The following CEP128 variants were observed in gnomAD, a reference collection of about 807,000 sequenced individuals.
CEP128 encodes the protein centrosomal protein 128.
CEP128 carries 132 observed loss-of-function variants against 156.7 expected under a neutral mutation model. The observed-to-expected ratio is 0.84, with a 90% confidence interval of 0.73 to 0.97. CEP128 has a LOEUF of 0.97. Among genes scored for constraint, CEP128 ranks in the 50% least tolerant of loss-of-function variants. The probability of loss-of-function intolerance (pLI) is 0.00; values close to 1 mark genes in which losing one functional copy is unlikely to be tolerated. For missense variants in CEP128, 1,252 were observed against 1,281.9 expected, an observed-to-expected ratio of 0.98 and a Z score of 0.36; for synonymous variants, 469 against 448.9, an observed-to-expected ratio of 1.04 and a Z score of -0.57.
At chr14:80,931,352 G>C (rs1885454297) in intron 2 of CEP128, among the ~76,000 whole-genome samples, 1 of 152,184 alleles carries the variant, frequency 6.6e-6, no homozygotes, top group African/African-American at 2.4e-5. Context: ...GAGAAATGCT[G>C]GGTAGCTGAA....
At chr14:80,896,200 C>T (rs1326879980) in intron 7 of CEP128, among the ~76,000 whole-genome samples, 1 of 152,058 alleles carries the variant, frequency 6.6e-6, no homozygotes, top group Non-Finnish European at 1.5e-5. Flanking sequence ...GATCTTACAC[C>T]CTCTTTCTAG....
intron 2 of CEP128, among the ~76,000 whole-genome samples, chr14:80,936,375 TC>T (rs1176608801): frequency 6.6e-6 from 1 of 151,806 alleles, no homozygotes; most frequent in African/African-American, 2.4e-5. Flanking sequence ...GAACAAGACT[TC>T]ATCTCAAAAG....
intron 19 of CEP128, among the ~76,000 whole-genome samples, chr14:80,727,680 A>T (rs1036627116): frequency 6.6e-6 from 1 of 152,190 alleles, no homozygotes. Flanking sequence ...ACAAGCAAAA[A>T]TAAACAACCC....
In CEP128 at chr14:80,711,856, T is replaced by A. The variant is rs190920665; in HGVS notation, c.2806+31219A>T. On this transcript the variant is annotated intron_variant, in intron 19 of 24. Transcript: ENST00000555265. ...TATACACCTACTATGTACCTAAAAA[T>A]TTTTTTAAATTAAAAAGAATGTAAA... Among the ~76,000 whole-genome samples, 20 of 152,124 alleles carry A rather than the reference T, an allele frequency of 1.3e-4. No individual in the cohort carries two copies. The East Asian group carries it at 2.3e-3, about 18-fold the overall frequency.
intron 8 of CEP128, among the ~76,000 whole-genome samples, chr14:80,873,976 G>A (rs1888153723): frequency 6.6e-6 from 1 of 152,050 alleles, no homozygotes; most frequent in Non-Finnish European, 1.5e-5. Context: ...ATGATTGTGA[G>A]GCCTCCCCAG....
At chr14:80,503,781 G>C (rs920913357) in intron 24 of CEP128, among the ~76,000 whole-genome samples, 12 of 152,084 alleles carry the variant, frequency 7.9e-5, no homozygotes, top group African/African-American at 2.9e-4. Flanking sequence ...GGTGGTTCTT[G>C]GCTTATGTAG....
At position 80,785,387 on chromosome 14, in the gene CEP128, A is replaced by T; in HGVS notation, c.1719T>A (p.His573Gln). 1 of 1,614,166 alleles carries T rather than the reference A, an allele frequency of 6.2e-7. No homozygotes were observed. The highest frequency in any genetic ancestry group is 2.2e-5 in the East Asian group (1 of 44,876). Residue 573 changes from histidine to glutamine, a missense_variant, in exon 15 of 25, where the codon CAT (histidine) becomes CAA (glutamine). Physicochemically the swap from His to Gln is conservative, Grantham distance 24. Coordinates refer to ENST00000555265, the MANE Select transcript of CEP128 (RefSeq NM_152446.5). ...TAACTTCCAATTCAAGGTCAGCTTG[A>T]TGAGACTTAATATCACGTAATTTCT... ...KEEKLRDIKSHQADLELEVKN... is the reference protein window; with the variant it reads ...KEEKLRDIKSQQADLELEVKN...
In CEP128 at chr14:80,810,323, C is replaced by CAAAAAAAAAAAAAAA. The variant is rs71103883; in HGVS notation, c.1210-17228_1210-17214dup. On this transcript the variant is annotated intron_variant, in intron 13 of 24. Transcript: ENST00000555265. ...GGGCGACAGAGCAAGACTCCATCTCCAAAAAAAAAAAAAAAAAAAAAAAAA... is the reference window on the plus strand; with the variant it reads ...GGGCGACAGAGCAAGACTCCATCTCCAAAAAAAAAAAAAAAAAAAAAAAAAAAAAAAAAAAAAAAA... Among the ~76,000 whole-genome samples, 21 of 15,192 alleles carry CAAAAAAAAAAAAAAA rather than the reference C, an allele frequency of 1.4e-3. 2 individuals carry two copies. The highest frequency in any genetic ancestry group is 3.2e-3 in the Admixed American group (3 of 950). 10.0% of individuals were successfully genotyped at this position (15,192 alleles called of 152,430 possible).
intron 16 of CEP128, among the ~76,000 whole-genome samples, chr14:80,772,311 A>T (rs1166092893): frequency 6.6e-6 from 1 of 152,160 alleles, no homozygotes; most frequent in Non-Finnish European, 1.5e-5. Flanking sequence ...GGTGTGACAG[A>T]CAAAAGAGAG....
rs775398311 is a variant in CEP128 at position 80,579,265 on chromosome 14, A to AG, written c.2856+1108dup. Among the ~76,000 whole-genome samples the AG allele has an allele frequency of 1.1e-3, 167 of 152,168 alleles. 2 individuals are homozygous for AG. Among genetic ancestry groups the AG allele is most frequent in the Non-Finnish European group, 3.1e-4 (21 of 68,026 alleles). ...CAAGCATTGCTGATATTAGTTTCAC[A>AG]GAGATAGGCAGGTCAAGTATACACT... On this transcript the variant is annotated intron_variant, in intron 20 of 24. Coordinates refer to ENST00000555265, the MANE Select transcript of CEP128 (RefSeq NM_152446.5).
At chr14:80,916,235 G>A (rs893087345) in intron 3 of CEP128, among the ~76,000 whole-genome samples, 166 bp downstream of exon 3, 4 of 152,198 alleles carry the variant, frequency 2.6e-5, no homozygotes, top group African/African-American at 9.7e-5. Context: ...TGAGACCAGT[G>A]TTGACTTCTG....
At chr14:80,489,907 CAAAAAAAA>C (rs34425331), downstream of CEP128, among the ~76,000 whole-genome samples, 2 of 131,664 alleles carry the variant, frequency 1.5e-5, no homozygotes, top group African/African-American at 6.1e-5. Context: ...GTTTTATCAC[CAAAAAAAA>C]AAAAAAAAAA....
At chr14:80,756,786 A>G in intron 18 of CEP128, 106 bp downstream of exon 18, 1 of 715,080 alleles carries the variant, frequency 1.4e-6, no homozygotes, top group Non-Finnish European at 2.4e-6. Flanking sequence ...ATTAAGCATT[A>G]TAGCTTCATA....
intron 8 of CEP128, among the ~76,000 whole-genome samples, chr14:80,875,673 G>C (rs1160530755): frequency 6.6e-6 from 1 of 152,164 alleles, no homozygotes; most frequent in African/African-American, 2.4e-5. Context: ...GGTTTAATAG[G>C]CTTGCCTCAG....
At chr14:80,688,061 T>C (rs1398104626) in intron 19 of CEP128, among the ~76,000 whole-genome samples, 1 of 152,180 alleles carries the variant, frequency 6.6e-6, no homozygotes, top group Non-Finnish European at 1.5e-5. Flanking sequence ...CATCTGATTA[T>C]CTAAGTCTAA....
intron 19 of CEP128, among the ~76,000 whole-genome samples, chr14:80,596,842 A>AAAAAAAAAAG (rs1555379468): frequency 1.6e-4 from 11 of 69,822 alleles, no homozygotes; most frequent in African/African-American, 4.7e-4. Context: ...AAAAAAAAAA[A>AAAAAAAAAAG]GGTGGGGGGG....
intron 19 of CEP128, among the ~76,000 whole-genome samples, chr14:80,661,339 C>G (rs908554914): frequency 6.6e-6 from 1 of 151,944 alleles, no homozygotes; most frequent in Non-Finnish European, 1.5e-5. Context: ...GCTGGATCAC[C>G]CCTAGATCTT....
chr14:80,656,301 A>ATATATATATT (rs1895153998), intron 19 of CEP128, among the ~76,000 whole-genome samples: 2 of 14,308 alleles, frequency 1.4e-4, no homozygotes, highest in African/African-American at 6.5e-4. Flanking sequence ...TTATATATAT[A>ATATATATATT]TATATATATA....
At chr14:80,590,798 C>A (rs542830039) in intron 19 of CEP128, among the ~76,000 whole-genome samples, 1 of 152,090 alleles carries the variant, frequency 6.6e-6, no homozygotes, top group Non-Finnish European at 1.5e-5. Context: ...TTAAGACTAA[C>A]AGCGGATCTC....
Sources: allele counts gnomAD v4.1 joint callset (sites outside exome capture counted in the v4.1 genomes callset), GRCh38; gene constraint gnomAD v4.1.1; transcripts MANE v1.5; gene names NCBI Gene and HGNC (gene_info 2026-07-23, HGNC 2026-07-21).